HYDIN: variants seen among roughly 807,000 people sequenced by gnomAD.
HYDIN encodes axonemal central pair apparatus protein HYDIN.
In HYDIN, 132 loss-of-function variants were observed where a neutral mutation model predicts 403.9. That is an observed-to-expected ratio of 0.33 (90% confidence interval 0.28 to 0.38). The LOEUF (loss-of-function observed/expected upper bound fraction) is 0.38. Among genes scored for constraint, HYDIN ranks in the 10% least tolerant of loss-of-function variants. The pLI, the probability that HYDIN is intolerant of heterozygous loss-of-function variation, is 1.00. For missense variants in HYDIN, 2,827 were observed against 5,009.5 expected, an observed-to-expected ratio of 0.56 and a Z score of 13.15; for synonymous variants, 1,202 against 1,891.7, an observed-to-expected ratio of 0.64 and a Z score of 9.46.
At chr16:71,084,456 C>T (rs1000701484) in intron 12 of HYDIN, among the ~76,000 whole-genome samples, 42 of 150,106 alleles carry the variant, frequency 2.8e-4, no homozygotes, top group Non-Finnish European at 4.4e-4. Context: ...GCACAATCTC[C>T]GCTCACTGCA....
intron 7 of HYDIN, among the ~76,000 whole-genome samples, chr16:71,145,956 G>A (rs559532491): frequency 8.4e-4 from 128 of 152,262 alleles, no homozygotes; most frequent in Non-Finnish European, 1.6e-3. Context: ...ATTCTATCGA[G>A]CTATAAGCAC....
At chr16:70,948,141 G>T (rs1224165909) in intron 41 of HYDIN, among the ~76,000 whole-genome samples, 1 of 150,406 alleles carries the variant, frequency 6.6e-6, no homozygotes, top group Admixed American at 6.6e-5. Context: ...AGAGCCCTCA[G>T]AAATAACACC....
intron 38 of HYDIN, among the ~76,000 whole-genome samples, chr16:70,960,812 C>T (rs2078392077): frequency 6.6e-6 from 1 of 152,036 alleles, no homozygotes; most frequent in South Asian, 2.1e-4. Flanking sequence ...CTGCCTCAGC[C>T]TCCCAAGTAG....
rs544715456 is a variant in HYDIN, at chr16:70,962,622, G to T, written c.5789-484C>A. ...TATCATGACCATTTCCTGTGTCATT[G>T]TTAGGGACAGCTATCCTTTCGTTGG... is the stretch of plus-strand genomic sequence containing the variant. On this transcript the variant is annotated intron_variant, in intron 37 of 85. Transcript: ENST00000393567. Among the ~76,000 whole-genome samples the T allele has an allele frequency of 4.0e-5, 6 of 151,002 alleles. No homozygotes were observed. The East Asian group carries it at 9.8e-4, about 25-fold the overall frequency.
intron 20 of HYDIN, chr16:71,027,248 A>G (rs1597583419): frequency 4.0e-5 from 46 of 1,147,644 alleles, no homozygotes; most frequent in Non-Finnish European, 4.6e-5. Context: ...GTCGATATAA[A>G]CACCCTTTTT....
At chr16:70,970,940 C>A (rs559222172) in intron 35 of HYDIN, among the ~76,000 whole-genome samples, 181 bp from the exon 36 acceptor site, 1 of 152,122 alleles carries the variant, frequency 6.6e-6, no homozygotes, top group Non-Finnish European at 1.5e-5. Flanking sequence ...TTTAGCATGC[C>A]AAGCATTGTA....
intron 53 of HYDIN, among the ~76,000 whole-genome samples, chr16:70,898,782 T>C: frequency 6.6e-6 from 1 of 151,196 alleles, no homozygotes; most frequent in Non-Finnish European, 1.5e-5. Flanking sequence ...CTTGCTCTCT[T>C]GCCCAGGCTG....
At chr16:71,068,717 A>ATT (rs2082356708) in intron 14 of HYDIN, among the ~76,000 whole-genome samples, 1 of 152,218 alleles carries the variant, frequency 6.6e-6, no homozygotes, top group Non-Finnish European at 1.5e-5. Context: ...CAGACAAAAC[A>ATT]TGGAAGGATG....
rs548765792 is a variant in HYDIN, at chr16:70,818,590, G to A, written c.14428-18C>T. ...AAGATCACCTGCATTCACGGGGAGA[G>A]AGGGAGGAAGGAGGGAAGAGTAGGG... On this transcript the variant is annotated intron_variant, in intron 83 of 85. Coordinates refer to ENST00000393567, the MANE Select transcript of HYDIN (RefSeq NM_001270974.2). The A allele has an allele frequency of 6.2e-4, 508 of 815,752 alleles. 2 individuals carry two copies. In the South Asian group the frequency reaches 7.3e-3, roughly 12 times the overall value. The allele number at this position is 815,752 out of a possible 1,614,324, so 50.5% of individuals were successfully genotyped here. A position where few individuals can be genotyped will look rare whatever the true frequency, so the allele number is the denominator to read the frequency against.
At chr16:70,831,636 T>C (rs1333177490) in intron 80 of HYDIN, among the ~76,000 whole-genome samples, 27 of 140,620 alleles carry the variant, frequency 1.9e-4, no homozygotes, top group Non-Finnish European at 3.7e-4. Context: ...AGGAAGTGTT[T>C]GCAGGAGGAG....
intron 1 of HYDIN, among the ~76,000 whole-genome samples, chr16:71,227,622 T>C (rs186726976): frequency 6.6e-6 from 1 of 152,140 alleles, no homozygotes; most frequent in African/African-American, 2.4e-5. Flanking sequence ...GTGAAGGAAC[T>C]CTTCAAGGAG....
At chr16:70,835,972 C>T in intron 77 of HYDIN, 138 bp from the exon 78 acceptor site, 1 of 762,940 alleles carries the variant, frequency 1.3e-6, no homozygotes, top group East Asian at 2.7e-5. Context: ...GGGCATCTGC[C>T]TACTCAATAA....
At chr16:71,070,792 C>T (rs1238714659) in intron 13 of HYDIN, among the ~76,000 whole-genome samples, 1 of 126,786 alleles carries the variant, frequency 7.9e-6, no homozygotes, top group Non-Finnish European at 1.6e-5. Flanking sequence ...TGTACTTGGT[C>T]TCTTGGAGTA....
chr16:71,080,329 TAC>T (rs1172148203), intron 12 of HYDIN: 1 of 152,336 alleles, frequency 6.6e-6, no homozygotes, highest in East Asian at 2.0e-4. Context: ...AATCATGTAA[TAC>T]ACATCAAAGA....
At chr16:70,816,175 C>A (rs79105748) in intron 84 of HYDIN, among the ~76,000 whole-genome samples, 36 of 152,108 alleles carry the variant, frequency 2.4e-4, no homozygotes, top group African/African-American at 7.2e-5. Flanking sequence ...ACAACAACAA[C>A]AAAAAACCAC....
intron 23 of HYDIN, among the ~76,000 whole-genome samples, chr16:71,012,847 CTTTTTTTT>C (rs35998725): frequency 2.4e-5 from 3 of 125,776 alleles, no homozygotes; most frequent in Non-Finnish European, 5.1e-5. Flanking sequence ...AACCAGGTGG[CTTTTTTTT>C]TTTTTTTTTG....
At chr16:71,159,878 C>T (rs955753104) in intron 6 of HYDIN, among the ~76,000 whole-genome samples, 4 of 149,788 alleles carry the variant, frequency 2.7e-5, no homozygotes, top group African/African-American at 4.9e-5. Context: ...TAAACAAAAA[C>T]AGGGAATTTA....
intron 1 of HYDIN, among the ~76,000 whole-genome samples, chr16:71,189,549 C>T (rs910822440): frequency 4.6e-5 from 7 of 152,020 alleles, no homozygotes; most frequent in Non-Finnish European, 8.8e-5. Context: ...AGGCGGATCA[C>T]GCGGTCAGGA....
Position 70,979,007 on chromosome 16 carries a change from G to C in HYDIN, c.4545C>G (p.Ala1515=). ...TATACTCTTTGTCTGTGTTTTTCCT[G>C]GCTTGATTCAAGAACATTTCATACT... is the stretch of plus-strand genomic sequence containing the variant. ...NEKYEMFLNQ[A]RKNTDKEYNK... is the part of the protein sequence containing the mutation. Residue 1515 remains alanine (A), a synonymous_variant, in exon 30 of 86, where the codon GCC becomes GCG. Transcript: ENST00000393567. The C allele has an allele frequency of 7.4e-6, 12 of 1,613,178 alleles. No homozygotes were observed. Among genetic ancestry groups the C allele is most frequent in the Non-Finnish European group, 1.0e-5 (12 of 1,179,880 alleles).
Sources: allele counts gnomAD v4.1 joint callset (sites outside exome capture counted in the v4.1 genomes callset), GRCh38; gene constraint gnomAD v4.1.1; transcripts MANE v1.5; gene names NCBI Gene and HGNC (gene_info 2026-07-23, HGNC 2026-07-21).